The following KMT2A variants were observed in gnomAD, a reference collection of about 807,000 sequenced individuals.
KMT2A encodes histone-lysine N-methyltransferase 2A.
Under a neutral mutation model 345.3 loss-of-function variants are expected in KMT2A, and 16 were observed. The ratio of observed to expected loss-of-function variants is 0.05; its 90% confidence interval spans 0.03 to 0.07. The LOEUF (loss-of-function observed/expected upper bound fraction) is 0.07. Ranked by LOEUF, KMT2A falls within the 10% of genes least tolerant of loss-of-function variation. The pLI, the probability that KMT2A is intolerant of heterozygous loss-of-function variation, is 1.00. For synonymous variants in KMT2A, 1,599 were observed against 1,778.6 expected, an observed-to-expected ratio of 0.90 and a Z score of 2.54; for missense variants, 3,272 against 4,841.6, an observed-to-expected ratio of 0.68 and a Z score of 9.62.
Position 118,522,336 on chromosome 11 carries a change from G to T in KMT2A, c.*164G>T. The T allele has an allele frequency of 1.5e-6, 1 of 650,560 alleles. No homozygotes were observed. The highest frequency in any genetic ancestry group is 2.0e-5 in the South Asian group (1 of 50,426). 40.3% of individuals were successfully genotyped at this position (650,560 alleles called of 1,614,324 possible). A position where few individuals can be genotyped will look rare whatever the true frequency, so the allele number is the denominator to read the frequency against. On this transcript the variant is annotated 3_prime_UTR_variant, in exon 36 of 36. Transcript: ENST00000534358. This position sits in a 1 kb window ranked among gnomAD's most constrained non-coding sequence, Gnocchi z 5.4. ...TGTCCTATACTCACATCAGACATGT[G>T]ATCATAGTCCCAGAGACAGAGTTGA...
chr11:118,467,351 T>C (rs1949863478), intron 1 of KMT2A, among the ~76,000 whole-genome samples: 1 of 150,780 alleles, frequency 6.6e-6, no homozygotes, highest in African/African-American at 2.4e-5. Context: ...CACTCCAGCC[T>C]GGGTGACAGA....
chr11:118,452,004 C>T (rs887973043), intron 1 of KMT2A, among the ~76,000 whole-genome samples: 3 of 152,060 alleles, frequency 2.0e-5, no homozygotes, highest in African/African-American at 4.8e-5. Flanking sequence ...AAATGTAATA[C>T]ATGAATCAGG....
At chr11:118,514,295 C>T (rs537370162) in intron 31 of KMT2A, among the ~76,000 whole-genome samples, 10 of 152,324 alleles carry the variant, frequency 6.6e-5, no homozygotes, top group South Asian at 2.1e-4. Flanking sequence ...TTTGAGGTTT[C>T]CTGTCTACGG....
chr11:118,436,576 G>T lies in KMT2A; in HGVS notation c.64G>T (p.Gly22Trp). 2 of 1,181,016 alleles carry T rather than the reference G, an allele frequency of 1.7e-6. No homozygotes were observed. Among genetic ancestry groups the T allele is most frequent in the South Asian group, 4.2e-5 (1 of 23,754 alleles). The allele number at this position is 1,181,016 out of a possible 1,614,324, so 73.2% of individuals were successfully genotyped here. Residue 22 changes from glycine (G) to tryptophan (W), a missense_variant, in exon 1 of 36, where the codon GGG (glycine) becomes TGG (tryptophan). By Grantham distance (184) the Gly-to-Trp change is radical. Transcript: ENST00000534358. This position sits in a 1 kb window ranked among gnomAD's most constrained non-coding sequence, Gnocchi z 6.9. ...CGGGACCACCGGGGGCGGCGGCGGC[G>T]GGGGGCGCCGGGGCCTAGGGGGCGC... ...RPGTTGGGGG[G>W]GRRGLGGAPR...
At position 118,503,856 on chromosome 11, in the gene KMT2A, C is replaced by T; in HGVS notation, c.7964C>T (p.Thr2655Ile). 1.2e-6 allele frequency: 2 copies of T among 1,614,216 alleles called. No individual in the cohort carries two copies. Among genetic ancestry groups the T allele is most frequent in the East Asian group, 2.2e-5 (1 of 44,888 alleles). The change falls in exon 27 of 36, where the codon ACT becomes ATT. Residue 2655 changes from threonine to isoleucine, a missense_variant. Around this residue, in one of 27 missense-constraint regions of KMT2A, gnomAD observed 21 missense variants for 74.6 expected, o/e 0.28. Transcript: ENST00000534358. This position sits in a 1 kb window ranked among gnomAD's most constrained non-coding sequence, Gnocchi z 5.3. Reference sequence around the variant, plus strand: ...GACATTCCATTCTACAGCAGCTCAACTGGGAAGAAGCGAGGCAAGAGATCA... The same window carrying T: ...GACATTCCATTCTACAGCAGCTCAATTGGGAAGAAGCGAGGCAAGAGATCA... ...EEDIPFYSSS[T>I]GKKRGKRSAE...
At chr11:118,480,908 C>T (rs952499392) in intron 6 of KMT2A, among the ~76,000 whole-genome samples, 1 of 152,100 alleles carries the variant, frequency 6.6e-6, no homozygotes, top group Non-Finnish European at 1.5e-5. Flanking sequence ...CTCAAGCAAT[C>T]CTCTCGCCTT....
At chr11:118,442,281 G>A (rs538962176) in intron 1 of KMT2A, among the ~76,000 whole-genome samples, 3 of 152,322 alleles carry the variant, frequency 2.0e-5, no homozygotes, top group South Asian at 4.1e-4. Context: ...GAATTTATTC[G>A]AGGATTGCTG....
rs1256321314 is a variant in KMT2A at position 118,496,162 on chromosome 11, A to G, written c.5558-99A>G. 2 of 913,838 alleles carry G rather than the reference A, an allele frequency of 2.2e-6. No homozygotes were observed. The highest frequency in any genetic ancestry group is 1.6e-5 in the African/African-American group (1 of 60,956). 56.6% of individuals were successfully genotyped at this position (913,838 alleles called of 1,614,324 possible). A position where few individuals can be genotyped will look rare whatever the true frequency, so the allele number is the denominator to read the frequency against. ...GTGGTTATTTTATAGGCTGTGGGCT[A>G]TGTAAGCTGAATTATTTCTTTTTTC... On this transcript the variant is annotated intron_variant, in intron 19 of 35. Transcript: ENST00000534358. The surrounding 1 kb of genome is among the most constrained non-coding windows in gnomAD (Gnocchi z 4.7).
At position 118,436,563 on chromosome 11, in the gene KMT2A, GGGCGGC is replaced by G; in HGVS notation, c.60_65del (p.Gly22_Gly23del). 1 of 1,203,370 alleles carries G rather than the reference GGGCGGC, an allele frequency of 8.3e-7. No homozygotes were observed. Among genetic ancestry groups the G allele is most frequent in the Non-Finnish European group, 1.0e-6 (1 of 957,344 alleles). The allele number at this position is 1,203,370 out of a possible 1,614,324, so 74.5% of individuals were successfully genotyped here. On this transcript the variant is annotated inframe_deletion, in exon 1 of 36. Coordinates refer to ENST00000534358, the MANE Select transcript of KMT2A (RefSeq NM_001197104.2). The surrounding 1 kb of genome is among the most constrained non-coding windows in gnomAD (Gnocchi z 6.9). ...TCCCCGCCCGACCCGGGACCACCGG[GGGCGGC>G]GGCGGCGGGGGGCGCCGGGGCCTAG...
At position 118,490,184 on chromosome 11, in the gene KMT2A, G is replaced by A. The variant is rs1950303031; in HGVS notation, c.4631G>A (p.Gly1544Glu). Residue 1544 changes from glycine to glutamate, a missense_variant, in exon 13 of 36, where the codon GGG (glycine) becomes GAG (glutamate). Transcript: ENST00000534358. The surrounding 1 kb of genome is among the most constrained non-coding windows in gnomAD (Gnocchi z 4.2). ...TGTGGATCCACAACTCCAGGCAAAGGGTGGGATGCACAGTGGTCTCATGAT... is the reference window on the plus strand; with the variant it reads ...TGTGGATCCACAACTCCAGGCAAAGAGTGGGATGCACAGTGGTCTCATGAT... The part of the protein sequence containing the change: ...KSCGSTTPGK[G>E]WDAQWSHDFS... 1 of 1,608,588 alleles carries A rather than the reference G, an allele frequency of 6.2e-7. No individual in the cohort carries two copies. The highest frequency in any genetic ancestry group is 1.3e-5 in the African/African-American group (1 of 74,366).
chr11:118,499,504 C>A, intron 23 of KMT2A, 84 bp downstream of exon 23: 1 of 918,520 alleles, frequency 1.1e-6, no homozygotes, highest in Admixed American at 1.7e-5. Context: ...TGACCCTCAG[C>A]CAGGTGTGGT....
rs985596633 is a variant in KMT2A, at chr11:118,520,757, T to C, written c.11430-45T>C. On this transcript the variant is annotated intron_variant, in intron 33 of 35. Transcript: ENST00000534358. This position sits in a 1 kb window ranked among gnomAD's most constrained non-coding sequence, Gnocchi z 4.3. ...AACCTTCGATTCAAGACTCAAAACA[T>C]TATTTCCTGAAAAAAATTCGTTAAT... 1.4e-6 allele frequency: 2 copies of C among 1,423,574 alleles called. No individual in the cohort carries two copies. Among genetic ancestry groups the C allele is most frequent in the South Asian group, 1.1e-5 (1 of 87,230 alleles). 88.2% of individuals were successfully genotyped at this position (1,423,574 alleles called of 1,614,324 possible).
In KMT2A at chr11:118,509,856, G is replaced by A; in HGVS notation, c.10901-92G>A. The A allele has an allele frequency of 4.3e-6, 4 of 922,446 alleles. No individual in the cohort carries two copies. The South Asian group carries it at 7.9e-5, about 18-fold the overall frequency. The allele number at this position is 922,446 out of a possible 1,614,324, so 57.1% of individuals were successfully genotyped here. A position where few individuals can be genotyped will look rare whatever the true frequency, so the allele number is the denominator to read the frequency against. On this transcript the variant is annotated intron_variant, in intron 29 of 35. Coordinates refer to ENST00000534358, the MANE Select transcript of KMT2A (RefSeq NM_001197104.2). ...TAAACCAACTGTGGAATGTTGTTAG[G>A]CTTAGAGATCATTTATGTAAAGTAC...
intron 6 of KMT2A, among the ~76,000 whole-genome samples, chr11:118,481,427 G>T (rs1950130602): frequency 6.6e-6 from 1 of 152,080 alleles, no homozygotes; most frequent in Non-Finnish European, 1.5e-5. Flanking sequence ...CAGATGATAG[G>T]ATCTCGTTCT....
In KMT2A at chr11:118,493,557, C is replaced by A. The variant is rs1555043169; in HGVS notation, c.5178+327C>A. ...ATATGAAATTAATTGGTTCTCCCTC[C>A]CCTTTTGAGATCAGATCTGAATAAT... On this transcript the variant is annotated intron_variant, in intron 16 of 35. Coordinates refer to ENST00000534358, the MANE Select transcript of KMT2A (RefSeq NM_001197104.2). The surrounding 1 kb of genome is among the most constrained non-coding windows in gnomAD (Gnocchi z 5.8). Among the ~76,000 whole-genome samples, 1 of 151,990 alleles carries A rather than the reference C, an allele frequency of 6.6e-6. No individual in the cohort carries two copies. The highest frequency in any genetic ancestry group is 1.5e-5 in the Non-Finnish European group (1 of 68,020).
chr11:118,495,579 G>T lies in KMT2A; in HGVS notation c.5364-121G>T. 1 of 656,548 alleles carries T rather than the reference G, an allele frequency of 1.5e-6. No individual in the cohort carries two copies. Among genetic ancestry groups the T allele is most frequent in the Non-Finnish European group, 2.4e-6 (1 of 410,388 alleles). 40.7% of individuals were successfully genotyped at this position (656,548 alleles called of 1,614,324 possible). A position where few individuals can be genotyped will look rare whatever the true frequency, so the allele number is the denominator to read the frequency against. ...CAGCAATTTTCAAACGCTGTGACTT[G>T]TTCTTATATTCTGTGAATGGCTCCT... On this transcript the variant is annotated intron_variant, in intron 18 of 35. Transcript: ENST00000534358. This position sits in a 1 kb window ranked among gnomAD's most constrained non-coding sequence, Gnocchi z 4.1.
In KMT2A at chr11:118,500,446, T is replaced by G. The variant is rs528030892; in HGVS notation, c.6158+533T>G. Among the ~76,000 whole-genome samples the G allele has an allele frequency of 5.3e-5, 8 of 152,364 alleles. No individual in the cohort carries two copies. In the South Asian group the frequency reaches 1.7e-3, roughly 32 times the overall value. On this transcript the variant is annotated intron_variant, in intron 24 of 35. Transcript: ENST00000534358. ...TGGAGTCTCATTTTGCAATATATGC[T>G]CCAACTTACTCTGTATTCCTATTCC...
chr11:118,512,224 AACC>A, intron 31 of KMT2A, 199 bp downstream of exon 31: 2 of 593,852 alleles, frequency 3.4e-6, no homozygotes, highest in Non-Finnish European at 5.9e-6. Context: ...AGAGTTGTAT[AACC>A]ACCACTACTC....
At position 118,502,917 on chromosome 11, in the gene KMT2A, C is replaced by T. The variant is rs1555046310; in HGVS notation, c.7025C>T (p.Thr2342Ile). Residue 2342 changes from threonine to isoleucine, a missense_variant, in exon 27 of 36, where the codon ACA becomes ATA. This residue lies in a region of KMT2A where 445 missense variants were observed against 500.9 expected (regional missense o/e 0.89). Coordinates refer to ENST00000534358, the MANE Select transcript of KMT2A (RefSeq NM_001197104.2). The surrounding 1 kb of genome is among the most constrained non-coding windows in gnomAD (Gnocchi z 4.9). ...CTGGCCCCACAGGTTCATAACACAACATCTAGAGAACTGAATGTTAGTAAA... is the reference window on the plus strand; with the variant it reads ...CTGGCCCCACAGGTTCATAACACAATATCTAGAGAACTGAATGTTAGTAAA... ...PKLAPQVHNTTSRELNVSKIG... is the reference protein window; with the variant it reads ...PKLAPQVHNTISRELNVSKIG... The T allele has an allele frequency of 2.5e-6, 4 of 1,614,200 alleles. No homozygotes were observed. Among genetic ancestry groups the T allele is most frequent in the Non-Finnish European group, 3.4e-6 (4 of 1,180,032 alleles).
Sources: allele counts gnomAD v4.1 joint callset (sites outside exome capture counted in the v4.1 genomes callset), GRCh38; gene constraint gnomAD v4.1.1; regional missense constraint gnomAD v4.1.1; non-coding constraint Gnocchi (gnomAD v3.1); transcripts MANE v1.5; gene names NCBI Gene and HGNC (gene_info 2026-07-23, HGNC 2026-07-21).